NECAB2: variants seen among roughly 807,000 people sequenced by gnomAD.
NECAB2 encodes the protein N-terminal EF-hand calcium-binding protein 2.
Under a neutral mutation model 51.9 loss-of-function variants are expected in NECAB2, and 68 were observed. The ratio of observed to expected loss-of-function variants is 1.31; its 90% confidence interval spans 1.08 to 1.60. The LOEUF is 1.60. Among genes scored for constraint, NECAB2 ranks in the 40% most tolerant of loss-of-function variants. NECAB2 has a pLI of 0.00. For missense variants in NECAB2, 854 were observed against 490.3 expected, an observed-to-expected ratio of 1.74 and a Z score of -7.00; for synonymous variants, 329 against 203.5, an observed-to-expected ratio of 1.62 and a Z score of -5.25.
At chr16:83,995,537 T>A (rs2084686202) in intron 8 of NECAB2, among the ~76,000 whole-genome samples, 1 of 152,174 alleles carries the variant, frequency 6.6e-6, no homozygotes, top group African/African-American at 2.4e-5. Flanking sequence ...GGCATTCTGT[T>A]ACCCAAACCT....
At chr16:83,974,912 G>A (rs187879177) in intron 2 of NECAB2, among the ~76,000 whole-genome samples, 3 of 141,846 alleles carry the variant, frequency 2.1e-5, no homozygotes, top group East Asian at 2.0e-4. Flanking sequence ...GCAGGGAGGC[G>A]TGGGTGCGGG....
chr16:83,992,364 A>G (rs1369914926), intron 6 of NECAB2, among the ~76,000 whole-genome samples: 1 of 139,524 alleles, frequency 7.2e-6, no homozygotes, highest in African/African-American at 3.3e-5. Context: ...CTCCCGGGGA[A>G]CACGAGCACC....
rs1157128192 is a variant in NECAB2 at position 84,002,517 on chromosome 16, G to C, written c.*171G>C. The C allele has an allele frequency of 4.8e-6, 4 of 834,114 alleles. No individual in the cohort carries two copies. The highest frequency in any genetic ancestry group is 1.7e-5 in the African/African-American group (1 of 58,494). 51.7% of individuals were successfully genotyped at this position (834,114 alleles called of 1,614,324 possible). On this transcript the variant is annotated 3_prime_UTR_variant, in exon 13 of 13. Transcript: ENST00000305202. ...GGAGGCCGCCCCTGCCCCCACCTGAGAAGGCAGAGCAGTGTCTGTGCTGCC... is the reference window on the plus strand; with the variant it reads ...GGAGGCCGCCCCTGCCCCCACCTGACAAGGCAGAGCAGTGTCTGTGCTGCC...
At chr16:83,989,999 A>G (rs1462074793) in intron 5 of NECAB2, among the ~76,000 whole-genome samples, 2 of 152,030 alleles carry the variant, frequency 1.3e-5, no homozygotes, top group Non-Finnish European at 2.9e-5. Flanking sequence ...AGCCCTAGGA[A>G]TCCTCCTTGC....
At chr16:83,996,239 C>CCAGGACCCCTCACGTATGA (rs2084696806) in intron 8 of NECAB2, among the ~76,000 whole-genome samples, 1 of 152,182 alleles carries the variant, frequency 6.6e-6, no homozygotes, top group East Asian at 1.9e-4. Flanking sequence ...CTCACGTATG[C>CCAGGACCCCTCACGTATGA]TTGTAAAACC....
At chr16:83,974,294 C>T (rs1484584997) in intron 2 of NECAB2, among the ~76,000 whole-genome samples, 2 of 152,182 alleles carry the variant, frequency 1.3e-5, no homozygotes, top group Non-Finnish European at 1.5e-5. Flanking sequence ...CCAAATTCTG[C>T]AGTCTCAGTT....
At chr16:83,987,226 C>T (rs2084567838) in intron 5 of NECAB2, among the ~76,000 whole-genome samples, 1 of 152,160 alleles carries the variant, frequency 6.6e-6, no homozygotes, top group Non-Finnish European at 1.5e-5. Context: ...TTGCCCATTT[C>T]AGAGACTTTG....
At chr16:83,983,959 C>T (rs945404146) in intron 5 of NECAB2, among the ~76,000 whole-genome samples, 7 of 150,416 alleles carry the variant, frequency 4.7e-5, no homozygotes, top group Non-Finnish European at 8.9e-5. Flanking sequence ...TCAACTTTTT[C>T]ACTTGTCCAT....
intron 1 of NECAB2, chr16:83,971,933 G>T: frequency 4.8e-6 from 3 of 621,250 alleles, no homozygotes; most frequent in Non-Finnish European, 8.4e-6. Context: ...ACTGGCAGCC[G>T]CTTCCACGTG....
chr16:83,997,351 CT>C (rs2084722540), intron 9 of NECAB2, 82 bp downstream of exon 9: 2 of 1,545,176 alleles, frequency 1.3e-6, no homozygotes, highest in South Asian at 1.1e-5. Context: ...CTCAATGCCC[CT>C]GACCCCGCTC....
At chr16:84,001,427 T>C (rs920636581) in intron 11 of NECAB2, among the ~76,000 whole-genome samples, 2 of 152,008 alleles carry the variant, frequency 1.3e-5, no homozygotes, top group Non-Finnish European at 1.5e-5. Context: ...ACAGGGGCGG[T>C]CATGAGAAGT....
At position 83,972,294 on chromosome 16, in the gene NECAB2, G is replaced by T. The variant is rs946000721; in HGVS notation, c.226+119G>T. 11 of 1,456,132 alleles carry T rather than the reference G, an allele frequency of 7.6e-6. 1 individual carries two copies. The African/African-American group carries it at 1.3e-4, about 17-fold the overall frequency. The allele number at this position is 1,456,132 out of a possible 1,614,324, so 90.2% of individuals were successfully genotyped here. A position where few individuals can be genotyped will look rare whatever the true frequency, so the allele number is the denominator to read the frequency against. On this transcript the variant is annotated intron_variant, in intron 2 of 12. Transcript: ENST00000305202. Reference sequence around the variant, plus strand: ...GAACCTAAAGGTTTGGAGTGCAGGGGTCTGAAGTTAGAAGGCCAAATCCTG... The same window carrying T: ...GAACCTAAAGGTTTGGAGTGCAGGGTTCTGAAGTTAGAAGGCCAAATCCTG...
chr16:83,996,719 G>C lies in NECAB2; in HGVS notation c.796-497G>C, dbSNP rs1374174223. Reference sequence around the variant, plus strand: ...CTTCTGTGGGGGCTCAGCCCTGTGTGGGCACCAGTCGTGGGCGAACAGAGC... The same window carrying C: ...CTTCTGTGGGGGCTCAGCCCTGTGTCGGCACCAGTCGTGGGCGAACAGAGC... On this transcript the variant is annotated intron_variant, in intron 8 of 12. Transcript: ENST00000305202. Among the ~76,000 whole-genome samples the C allele has an allele frequency of 9.2e-5, 14 of 151,724 alleles. No individual in the cohort carries two copies. In the East Asian group the frequency reaches 2.7e-3, roughly 29 times the overall value.
intron 6 of NECAB2, among the ~76,000 whole-genome samples, chr16:83,992,924 G>A (rs2084644514): frequency 6.6e-6 from 1 of 151,882 alleles, no homozygotes; most frequent in Admixed American, 6.5e-5. Context: ...TTTTTCTCCT[G>A]CCGCAGAACA....
At chr16:83,976,224 G>T (rs963887788) in intron 2 of NECAB2, among the ~76,000 whole-genome samples, 4 of 152,192 alleles carry the variant, frequency 2.6e-5, no homozygotes, top group African/African-American at 7.2e-5. Flanking sequence ...CCCCTGCTGG[G>T]TAGGTGGCGA....
chr16:83,976,761 G>T lies in NECAB2; in HGVS notation c.227-1683G>T, dbSNP rs144382485. Among the ~76,000 whole-genome samples, 492 of 152,244 alleles carry T rather than the reference G, an allele frequency of 3.2e-3. 2 individuals carry two copies. Among genetic ancestry groups the T allele is most frequent in the African/African-American group, 0.011 (468 of 41,546 alleles). On this transcript the variant is annotated intron_variant, in intron 2 of 12. Coordinates refer to ENST00000305202, the MANE Select transcript of NECAB2 (RefSeq NM_019065.3). ...TGCCCACACGTTCATATTCTTTACC[G>T]GTCTCTGATACTTTATGCTCTATGG...
Position 83,997,092 on chromosome 16 carries a change from A to C in NECAB2, c.796-124A>C, listed in dbSNP as rs1050189906. 110 of 1,066,966 alleles carry C rather than the reference A, an allele frequency of 1.0e-4. No homozygotes were observed. The Middle Eastern group carries it at 1.1e-3, about 10-fold the overall frequency. The allele number at this position is 1,066,966 out of a possible 1,614,324, so 66.1% of individuals were successfully genotyped here. On this transcript the variant is annotated intron_variant, in intron 8 of 12. Transcript: ENST00000305202. ...TGCCACTTCCTAGCGTTGGTCTCCC[A>C]GCCCTGTGCAACAGGGCCGGGTCCT...
chr16:83,988,081 A>G (rs945152408), intron 5 of NECAB2, among the ~76,000 whole-genome samples: 1 of 152,204 alleles, frequency 6.6e-6, no homozygotes, highest in African/African-American at 2.4e-5. Context: ...GAATCTTTAC[A>G]CAGGCTTTTC....
chr16:84,002,592 AC>A lies in NECAB2; in HGVS notation c.*250del, dbSNP rs2084860582. On this transcript the variant is annotated 3_prime_UTR_variant, in exon 13 of 13. Transcript: ENST00000305202. ...AAGGGGGCGGCTTCCTGGAGCCAGC[AC>A]CCCTGCCTCCTGGTCCTGGCCTCTC... 1 of 581,620 alleles carries A rather than the reference AC, an allele frequency of 1.7e-6. No individual in the cohort carries two copies. 36.0% of individuals were successfully genotyped at this position (581,620 alleles called of 1,614,324 possible).
Sources: allele counts gnomAD v4.1 joint callset (sites outside exome capture counted in the v4.1 genomes callset), GRCh38; gene constraint gnomAD v4.1.1; transcripts MANE v1.5; gene names NCBI Gene and HGNC (gene_info 2026-07-23, HGNC 2026-07-21).